ADIPOR2: variants seen among roughly 807,000 people sequenced by gnomAD.
ADIPOR2 encodes adiponectin receptor 2, also known as adiponectin receptor protein 2.
In ADIPOR2, 18 loss-of-function variants were observed where a neutral mutation model predicts 40.9. The observed-to-expected ratio is 0.44, with a 90% CI of 0.30 to 0.65. The LOEUF (loss-of-function observed/expected upper bound fraction) is 0.65, where lower values mean the gene tolerates loss of function less well. ADIPOR2 is among the 30% of genes least tolerant of loss of function. The pLI is 0.09. For synonymous variants in ADIPOR2, 165 were observed against 166.4 expected, an observed-to-expected ratio of 0.99 and a Z score of 0.06; for missense variants, 283 against 479.2, an observed-to-expected ratio of 0.59 and a Z score of 3.82.
intron 1 of ADIPOR2, among the ~76,000 whole-genome samples, chr12:1,742,606 C>G (rs1193819081): frequency 6.6e-6 from 1 of 152,168 alleles, no homozygotes; most frequent in Non-Finnish European, 1.5e-5. Context: ...TGCTCAAGTT[C>G]CTGATAGAGA....
At chr12:1,733,284 G>T (rs1182748796) in intron 1 of ADIPOR2, among the ~76,000 whole-genome samples, 2 of 152,102 alleles carry the variant, frequency 1.3e-5, no homozygotes, top group Admixed American at 6.5e-5. Flanking sequence ...GCTAACACGG[G>T]CTTGACTTTA....
At position 1,777,871 on chromosome 12, in the gene ADIPOR2, G is replaced by T; in HGVS notation, c.309G>T (p.Trp103Cys). The change falls in exon 4 of 8, where the codon TGG (tryptophan) becomes TGT (cysteine). Residue 103 changes from tryptophan to cysteine, a missense_variant. This residue lies in a region of ADIPOR2 where 112 missense variants were observed against 249.5 expected (regional missense o/e 0.45). Coordinates refer to ENST00000357103, the MANE Select transcript of ADIPOR2 (RefSeq NM_024551.3). ...TCTGCCAGGTATGGGAAGGTCGGTG[G>T]CGAGTGATCCCTCATGATGTACTAC... ...EFVCKVWEGRWRVIPHDVLPD... is the reference protein window; with the variant it reads ...EFVCKVWEGRCRVIPHDVLPD... 1 of 1,611,718 alleles carries T rather than the reference G, an allele frequency of 6.2e-7. No individual in the cohort carries two copies. Among genetic ancestry groups the T allele is most frequent in the Non-Finnish European group, 8.5e-7 (1 of 1,179,118 alleles).
intron 1 of ADIPOR2, among the ~76,000 whole-genome samples, chr12:1,721,957 A>T (rs2094698687): frequency 6.6e-6 from 1 of 152,212 alleles, no homozygotes; most frequent in African/African-American, 2.4e-5. Flanking sequence ...AAATCATTTA[A>T]GGCTTTGTAA....
chr12:1,707,719 C>T (rs566860187), intron 1 of ADIPOR2, among the ~76,000 whole-genome samples: 88 of 152,172 alleles, frequency 5.8e-4, no homozygotes, highest in Admixed American at 1.5e-3. Context: ...GTGATCTTCC[C>T]GCCTCAGTCT....
intron 1 of ADIPOR2, chr12:1,697,241 G>GT (rs1232956524): frequency 2.6e-5 from 4 of 152,132 alleles, no homozygotes; most frequent in South Asian, 2.1e-4. Context: ...GTTAAACACT[G>GT]TGAGTTTTTT....
At chr12:1,738,759 T>A (rs758796359) in intron 1 of ADIPOR2, among the ~76,000 whole-genome samples, 2 of 152,210 alleles carry the variant, frequency 1.3e-5, no homozygotes, top group African/African-American at 2.4e-5. Context: ...AAGAGACAGA[T>A]TTTTTGTGTT....
rs1296315600 is a variant in ADIPOR2 at position 1,691,156 on chromosome 12, C to T, written c.-122C>T. 11 of 155,824 alleles carry T rather than the reference C, an allele frequency of 7.1e-5. No individual in the cohort carries two copies. In the South Asian group the frequency reaches 1.6e-3, roughly 23 times the overall value. The allele number at this position is 155,824 out of a possible 1,614,324, so 9.7% of individuals were successfully genotyped here. A position where few individuals can be genotyped will look rare whatever the true frequency, so the allele number is the denominator to read the frequency against. On this transcript the variant is annotated 5_prime_UTR_variant, in exon 1 of 8. Coordinates refer to ENST00000357103, the MANE Select transcript of ADIPOR2 (RefSeq NM_024551.3). Reference sequence around the variant, plus strand: ...TCCGTTCCCCCCTCCTCCCCCCTCCCCTCAGCGGTGGCTCCCAAGAAGTCC... The same window carrying T: ...TCCGTTCCCCCCTCCTCCCCCCTCCTCTCAGCGGTGGCTCCCAAGAAGTCC...
At chr12:1,744,100 T>A (rs1324389574) in intron 1 of ADIPOR2, among the ~76,000 whole-genome samples, 1 of 151,446 alleles carries the variant, frequency 6.6e-6, no homozygotes, top group Non-Finnish European at 1.5e-5. Context: ...TGAAAAGTCT[T>A]TTTTTTTTCT....
intron 2 of ADIPOR2, among the ~76,000 whole-genome samples, chr12:1,756,443 C>G (rs1862133533): frequency 6.8e-6 from 1 of 147,144 alleles, no homozygotes; most frequent in South Asian, 2.2e-4. Context: ...AGCCACTGTG[C>G]CTGGCCTTCT....
In ADIPOR2 at chr12:1,788,247, A is replaced by G. The variant is rs111477952; in HGVS notation, c.*2175A>G. The G allele has an allele frequency of 0.011, 1,743 of 152,626 alleles. 17 individuals carry two copies. Among genetic ancestry groups the G allele is most frequent in the Non-Finnish European group, 0.018 (1,223 of 68,016 alleles). 9.5% of individuals were successfully genotyped at this position (152,626 alleles called of 1,614,324 possible). ...CATCACTGATGTGTAATCCAGTAAA[A>G]TCTCCCTTTTTCGGGTGTGTATGTG... On this transcript the variant is annotated 3_prime_UTR_variant, in exon 8 of 8. Coordinates refer to ENST00000357103, the MANE Select transcript of ADIPOR2 (RefSeq NM_024551.3).
chr12:1,704,707 C>G (rs1325164427), intron 1 of ADIPOR2, among the ~76,000 whole-genome samples: 3 of 152,172 alleles, frequency 2.0e-5, no homozygotes, highest in African/African-American at 7.2e-5. Context: ...ATATAAAACA[C>G]TGTAAATCAC....
chr12:1,761,324 A>G (rs1862265609), intron 2 of ADIPOR2, among the ~76,000 whole-genome samples: 1 of 152,168 alleles, frequency 6.6e-6, no homozygotes, highest in African/African-American at 2.4e-5. Flanking sequence ...TGCTATTATC[A>G]TTCATGTAGA....
At chr12:1,694,588 T>C (rs2094634145) in intron 1 of ADIPOR2, among the ~76,000 whole-genome samples, 1 of 152,224 alleles carries the variant, frequency 6.6e-6, no homozygotes, top group South Asian at 2.1e-4. Context: ...TATTAAACTT[T>C]TTGGATCCAA....
chr12:1,691,536 C>T (rs1565626167), intron 1 of ADIPOR2, among the ~76,000 whole-genome samples: 1 of 152,234 alleles, frequency 6.6e-6, no homozygotes, highest in Non-Finnish European at 1.5e-5. Context: ...GTTGCTCCAG[C>T]TCCCTGCCCG....
chr12:1,732,535 C>T (rs539248173), intron 1 of ADIPOR2, among the ~76,000 whole-genome samples: 2 of 152,208 alleles, frequency 1.3e-5, no homozygotes, highest in East Asian at 3.9e-4. Flanking sequence ...GGATGTGTAC[C>T]ACAGTTTGTT....
intron 6 of ADIPOR2, among the ~76,000 whole-genome samples, chr12:1,782,855 C>T (rs1431632667): frequency 6.6e-6 from 1 of 152,098 alleles, no homozygotes; most frequent in African/African-American, 2.4e-5. Context: ...TCCCATCCCC[C>T]ACCCCCATTA....
chr12:1,734,440 C>G, intron 1 of ADIPOR2, among the ~76,000 whole-genome samples: 1 of 152,086 alleles, frequency 6.6e-6, no homozygotes, highest in Non-Finnish European at 1.5e-5. Flanking sequence ...TATCCTTTGC[C>G]CACTTTTTGA....
Position 1,786,212 on chromosome 12 carries a change from C to T in ADIPOR2, c.*140C>T. On this transcript the variant is annotated 3_prime_UTR_variant, in exon 8 of 8. Coordinates refer to ENST00000357103, the MANE Select transcript of ADIPOR2 (RefSeq NM_024551.3). ...TGGGCTTTGTGACGGCCCAGTGGCT[C>T]TGCGTGGTACATGACTGAGAAGAGA... 3 of 1,063,556 alleles carry T rather than the reference C, an allele frequency of 2.8e-6. 1 individual carries two copies. In the South Asian group the frequency reaches 4.9e-5, roughly 17 times the overall value. 65.9% of individuals were successfully genotyped at this position (1,063,556 alleles called of 1,614,324 possible).
At chr12:1,699,464 C>G (rs1219426847) in intron 1 of ADIPOR2, among the ~76,000 whole-genome samples, 1 of 152,016 alleles carries the variant, frequency 6.6e-6, no homozygotes, top group Non-Finnish European at 1.5e-5. Flanking sequence ...ACTGAAAATA[C>G]TAAAACAAAA....
Sources: allele counts gnomAD v4.1 joint callset (sites outside exome capture counted in the v4.1 genomes callset), GRCh38; gene constraint gnomAD v4.1.1; regional missense constraint gnomAD v4.1.1; transcripts MANE v1.5; gene names NCBI Gene and HGNC (gene_info 2026-07-23, HGNC 2026-07-21).